The following GRIK1 variants were observed in gnomAD, a reference collection of about 807,000 sequenced individuals.
GRIK1 encodes the protein glutamate ionotropic receptor kainate type subunit 1, also known as glutamate receptor ionotropic, kainate 1.
GRIK1 carries 69 observed loss-of-function variants against 105.7 expected under a neutral mutation model. The ratio of observed to expected loss-of-function variants is 0.65; its 90% confidence interval spans 0.54 to 0.80. The LOEUF (loss-of-function observed/expected upper bound fraction) is 0.80. Among genes scored for constraint, GRIK1 ranks in the 30% least tolerant of loss-of-function variants. The probability of loss-of-function intolerance (pLI) is 0.00; values close to 1 mark genes in which losing one functional copy is unlikely to be tolerated. For missense variants in GRIK1, 1,109 were observed against 1,167.3 expected, an observed-to-expected ratio of 0.95 and a Z score of 0.73; for synonymous variants, 438 against 431.3, an observed-to-expected ratio of 1.02 and a Z score of -0.19.
chr21:29,677,344 A>T (rs1313140156), intron 3 of GRIK1, among the ~76,000 whole-genome samples: 1 of 152,238 alleles, frequency 6.6e-6, no homozygotes, highest in African/African-American at 2.4e-5. Context: ...CCCAAGAATG[A>T]AATTGGAAAT....
intron 1 of GRIK1, among the ~76,000 whole-genome samples, chr21:29,761,640 T>A (rs1244307060): frequency 6.6e-6 from 1 of 152,168 alleles, no homozygotes; most frequent in African/African-American, 2.4e-5. Flanking sequence ...TTAAATCAGA[T>A]TCTATTTATG....
At chr21:29,617,397 C>T (rs1047190778) in intron 7 of GRIK1, among the ~76,000 whole-genome samples, 1 of 152,144 alleles carries the variant, frequency 6.6e-6, no homozygotes, top group African/African-American at 2.4e-5. Context: ...TTCCCGTGTG[C>T]AAGTTTGAGC....
Position 29,939,670 on chromosome 21 carries a change from T to G in GRIK1, c.-170A>C, listed in dbSNP as rs777723727. 3 of 523,418 alleles carry G rather than the reference T, an allele frequency of 5.7e-6. No homozygotes were observed. Among genetic ancestry groups the G allele is most frequent in the African/African-American group, 2.0e-5 (1 of 49,472 alleles). The allele number at this position is 523,418 out of a possible 1,614,324, so 32.4% of individuals were successfully genotyped here. On this transcript the variant is annotated 5_prime_UTR_variant, in exon 1 of 18. Transcript: ENST00000327783. Reference sequence around the variant, plus strand: ...GGGAACCCGCGTGGGACCGCGGAGCTGGCTGGCAAGGCTGAGCTCTCTCGG... The same window carrying G: ...GGGAACCCGCGTGGGACCGCGGAGCGGGCTGGCAAGGCTGAGCTCTCTCGG...
intron 1 of GRIK1, among the ~76,000 whole-genome samples, chr21:29,804,617 C>T (rs1453779151): frequency 3.3e-5 from 5 of 152,124 alleles, no homozygotes. Context: ...AAATTATTTT[C>T]AGTTTAATTG....
At chr21:29,850,404 G>C (rs2068267629) in intron 1 of GRIK1, among the ~76,000 whole-genome samples, 1 of 152,052 alleles carries the variant, frequency 6.6e-6, no homozygotes, top group Non-Finnish European at 1.5e-5. Context: ...TTTCTAAGGT[G>C]TTCAAGATTA....
chr21:29,906,693 A>C (rs911822728), intron 1 of GRIK1, among the ~76,000 whole-genome samples: 11 of 152,138 alleles, frequency 7.2e-5, no homozygotes, highest in African/African-American at 2.7e-4. Context: ...AAGACAAAAG[A>C]GTTAAAATAG....
At chr21:29,861,605 C>T (rs962551681) in intron 1 of GRIK1, 5 of 406,706 alleles carry the variant, frequency 1.2e-5, no homozygotes, top group Admixed American at 2.9e-5. Context: ...ACACGCCCGG[C>T]TGCACTTACT....
At chr21:29,917,461 T>G (rs1379246720) in intron 1 of GRIK1, among the ~76,000 whole-genome samples, 1 of 152,064 alleles carries the variant, frequency 6.6e-6, no homozygotes, top group Non-Finnish European at 1.5e-5. Context: ...GCCTTTATTT[T>G]TATTCAGATG....
chr21:29,807,265 C>T (rs944849149), intron 1 of GRIK1, among the ~76,000 whole-genome samples: 1 of 152,106 alleles, frequency 6.6e-6, no homozygotes. Flanking sequence ...CAACAAACTG[C>T]CCCTTCCCTG....
intron 1 of GRIK1, among the ~76,000 whole-genome samples, chr21:29,825,333 G>A (rs1371297239): frequency 1.3e-5 from 2 of 151,962 alleles, no homozygotes; most frequent in African/African-American, 4.8e-5. Context: ...TGACTTGGGT[G>A]ATTTAGAAGT....
intron 1 of GRIK1, among the ~76,000 whole-genome samples, chr21:29,705,460 T>C (rs2063886953): frequency 1.3e-5 from 2 of 152,230 alleles, no homozygotes; most frequent in Admixed American, 6.5e-5. Flanking sequence ...ATAGGACAGT[T>C]TTCCTTGTAA....
At chr21:29,722,648 G>T (rs1466608716) in intron 1 of GRIK1, among the ~76,000 whole-genome samples, 1 of 150,778 alleles carries the variant, frequency 6.6e-6, no homozygotes, top group Middle Eastern at 3.2e-3. Context: ...ACTAAGATTA[G>T]GTGGTAGTTG....
At chr21:29,884,370 A>G (rs1479475239) in intron 1 of GRIK1, among the ~76,000 whole-genome samples, 4 of 152,060 alleles carry the variant, frequency 2.6e-5, no homozygotes, top group African/African-American at 7.2e-5. Flanking sequence ...ACCAGAGTCT[A>G]CTTACCATTT....
At chr21:29,877,061 T>A (rs1375535578) in intron 1 of GRIK1, among the ~76,000 whole-genome samples, 1 of 152,182 alleles carries the variant, frequency 6.6e-6, no homozygotes, top group Non-Finnish European at 1.5e-5. Context: ...AAAAGTTTGC[T>A]AAAATATTTC....
At chr21:29,800,032 G>A (rs147501162) in intron 1 of GRIK1, among the ~76,000 whole-genome samples, 1 of 152,322 alleles carries the variant, frequency 6.6e-6, no homozygotes, top group Non-Finnish European at 1.5e-5. Context: ...GTTGTACTGA[G>A]GAGTCTCCTA....
chr21:29,559,985 C>T (rs1601108234), intron 15 of GRIK1, among the ~76,000 whole-genome samples: 1 of 152,120 alleles, frequency 6.6e-6, no homozygotes, highest in African/African-American at 2.4e-5. Context: ...ATGCTTTGCT[C>T]ACTTATGGTA....
chr21:29,690,018 G>A, intron 2 of GRIK1, 33 bp from the exon 3 acceptor site: 1 of 1,532,732 alleles, frequency 6.5e-7, no homozygotes, highest in Non-Finnish European at 9.0e-7. Context: ...GGATGGGGAG[G>A]GAGGGCAGGG....
At chr21:29,664,052 G>C (rs986672445) in intron 4 of GRIK1, among the ~76,000 whole-genome samples, 14 of 152,166 alleles carry the variant, frequency 9.2e-5, no homozygotes, top group African/African-American at 3.1e-4. Context: ...GGATTTCTTG[G>C]TTTCTGGCTG....
chr21:29,899,303 G>A (rs935548164), intron 1 of GRIK1, among the ~76,000 whole-genome samples: 1 of 152,172 alleles, frequency 6.6e-6, no homozygotes, highest in Non-Finnish European at 1.5e-5. Flanking sequence ...ATGCAGTCCT[G>A]GAGCACCTAG....
Sources: gnomAD v4.1 joint callset for allele counts (sites outside exome capture counted in the v4.1 genomes callset) on GRCh38, gnomAD v4.1.1 for gene constraint, MANE v1.5 for transcripts, NCBI Gene and HGNC (gene_info 2026-07-23, HGNC 2026-07-21) for gene names.